The following KHDRBS2 variants were observed in gnomAD, a reference collection of about 807,000 sequenced individuals.
KHDRBS2 encodes the protein KH domain-containing, RNA-binding, signal transduction-associated protein 2.
In KHDRBS2, 26 loss-of-function variants were observed where a neutral mutation model predicts 44.3. The ratio of observed to expected loss-of-function variants is 0.59; its 90% CI spans 0.43 to 0.81. The LOEUF is 0.81. Ranked by LOEUF, KHDRBS2 falls within the 40% of genes least tolerant of loss-of-function variation. The pLI is 0.00. For missense variants in KHDRBS2, 476 were observed against 433.1 expected (o/e 1.10, Z -0.88); for synonymous variants, 194 against 151.1 (o/e 1.28, Z -2.08).
chr6:62,148,372 T>C (rs554873868), intron 2 of KHDRBS2, among the ~76,000 whole-genome samples: 3 of 152,190 alleles, frequency 2.0e-5, no homozygotes, highest in South Asian at 2.1e-4. Flanking sequence ...TGAATAAAGA[T>C]AGTCCTTAAC....
intron 6 of KHDRBS2, among the ~76,000 whole-genome samples, chr6:61,826,073 G>T (rs1281043836): frequency 6.6e-6 from 1 of 152,106 alleles, no homozygotes; most frequent in Non-Finnish European, 1.5e-5. Flanking sequence ...AATAATCAAA[G>T]AAGGAGTTTT....
At chr6:61,551,962 G>A in the KHDRBS2 span, among the ~76,000 whole-genome samples, 142 of 152,232 alleles carry the variant, frequency 9.3e-4, no homozygotes, top group African/African-American at 3.2e-3. Flanking sequence ...CAACTTGGAT[G>A]CTGTTGTTGC....
rs376759102 is a variant in KHDRBS2, at chr6:62,160,589, A to T, written c.219+16596T>A. Among the ~76,000 whole-genome samples the T allele has an allele frequency of 9.2e-5, 14 of 152,226 alleles. No homozygotes were observed. The East Asian group carries it at 2.3e-3, about 25-fold the overall frequency. On this transcript the variant is annotated intron_variant, in intron 2 of 8. Coordinates refer to ENST00000281156, the MANE Select transcript of KHDRBS2 (RefSeq NM_152688.4). The stretch of plus-strand genomic sequence containing the variant: ...CTTTTTGAGGAGTCACATGATCTGT[A>T]TGGCCTATATGTTTAAAGATGACCA...
At chr6:62,080,425 G>GA (rs779129028) in intron 2 of KHDRBS2, among the ~76,000 whole-genome samples, 2 of 151,986 alleles carry the variant, frequency 1.3e-5, no homozygotes, top group Admixed American at 6.6e-5. Context: ...TGACAATTTA[G>GA]AAAAAATGTA....
In KHDRBS2 at chr6:62,007,594, ATAAT is replaced by A. The variant is rs765101948; in HGVS notation, c.337-29386_337-29383del. On this transcript the variant is annotated intron_variant, in intron 3 of 8. Transcript: ENST00000281156. ...TAAAAAAGTAAGTGAAACTAAATGTATAATTAATATTCTGAAGAAAACCATTAAA... is the reference window on the plus strand; with the variant it reads ...TAAAAAAGTAAGTGAAACTAAATGTATAATATTCTGAAGAAAACCATTAAA... Among the ~76,000 whole-genome samples, 28 of 152,292 alleles carry A rather than the reference ATAAT, an allele frequency of 1.8e-4. No individual in the cohort carries two copies. The East Asian group carries it at 4.4e-3, about 24-fold the overall frequency.
Position 62,286,198 on chromosome 6 carries a change from G to A in KHDRBS2, c.-250C>T, listed in dbSNP as rs1031031230. The A allele has an allele frequency of 2.0e-5, 10 of 508,600 alleles. No individual in the cohort carries two copies. Among genetic ancestry groups the A allele is most frequent in the East Asian group, 3.7e-5 (1 of 26,678 alleles). The allele number at this position is 508,600 out of a possible 1,614,324, so 31.5% of individuals were successfully genotyped here. ...CGCAGAGCCCCGGCTCACACCAGCG[G>A]CCTTAACTGGAGAGGCGGGAACAGG... On this transcript the variant is annotated 5_prime_UTR_variant, in exon 1 of 9. Coordinates refer to ENST00000281156, the MANE Select transcript of KHDRBS2 (RefSeq NM_152688.4).
intron 1 of KHDRBS2, among the ~76,000 whole-genome samples, chr6:62,253,024 T>C (rs1365744964): frequency 6.6e-6 from 1 of 152,020 alleles, no homozygotes; most frequent in East Asian, 1.9e-4. Context: ...AGTGTAACAC[T>C]GGGTGGCTTT....
chr6:62,251,162 T>C (rs1442610256), intron 1 of KHDRBS2, among the ~76,000 whole-genome samples: 1 of 151,830 alleles, frequency 6.6e-6, no homozygotes, highest in Non-Finnish European at 1.5e-5. Context: ...ATTGAATATC[T>C]TGAATATTCT....
At chr6:61,564,816 T>C in the KHDRBS2 span, among the ~76,000 whole-genome samples, 1 of 152,012 alleles carries the variant, frequency 6.6e-6, no homozygotes, top group South Asian at 2.1e-4. Context: ...CAAAAAAAGG[T>C]CCCATTCTTA....
chr6:62,110,414 GA>G (rs910105568), intron 2 of KHDRBS2, among the ~76,000 whole-genome samples: 8 of 152,038 alleles, frequency 5.3e-5, no homozygotes, highest in South Asian at 4.1e-4. Flanking sequence ...GCCAAACTTG[GA>G]AAGAAACCAA....
intron 6 of KHDRBS2, among the ~76,000 whole-genome samples, chr6:61,769,680 C>T (rs928840890): frequency 9.8e-5 from 15 of 152,290 alleles, no homozygotes; most frequent in South Asian, 2.1e-4. Flanking sequence ...GTAAACAAAG[C>T]GGCCAGGAAG....
At chr6:61,966,537 C>A (rs1284523443) in intron 4 of KHDRBS2, among the ~76,000 whole-genome samples, 1 of 152,002 alleles carries the variant, frequency 6.6e-6, no homozygotes, top group East Asian at 1.9e-4. Context: ...GAGGTTTCTT[C>A]TCATTTTGAA....
At chr6:62,156,682 C>T (rs1232418732) in intron 2 of KHDRBS2, among the ~76,000 whole-genome samples, 2 of 151,994 alleles carry the variant, frequency 1.3e-5, no homozygotes, top group African/African-American at 4.8e-5. Flanking sequence ...CGGAGTCTCG[C>T]TCTGTCTCTC....
In KHDRBS2 at chr6:62,035,844, A is replaced by C. The variant is rs868642328; in HGVS notation, c.336+12034T>G. Among the ~76,000 whole-genome samples the C allele has an allele frequency of 5.3e-5, 8 of 152,154 alleles. No individual in the cohort carries two copies. The Middle Eastern group carries it at 0.01, about 194-fold the overall frequency. On this transcript the variant is annotated intron_variant, in intron 3 of 8. Transcript: ENST00000281156. ...CAGCGTGGCTCTGGTCATTTTAATA[A>C]AACTAATGGTCAAACAGGGAACATC...
intron 6 of KHDRBS2, among the ~76,000 whole-genome samples, chr6:61,776,112 C>T (rs546887092): frequency 2.0e-5 from 3 of 152,154 alleles, no homozygotes; most frequent in Non-Finnish European, 4.4e-5. Context: ...AACTGGATCC[C>T]TTCCTTACAC....
intron 1 of KHDRBS2, among the ~76,000 whole-genome samples, chr6:62,262,037 TA>T (rs1337577913): frequency 6.6e-6 from 1 of 151,752 alleles, no homozygotes; most frequent in African/African-American, 2.4e-5. Context: ...TCCATTGAGT[TA>T]TTTTTTTGGA....
downstream of KHDRBS2, among the ~76,000 whole-genome samples, chr6:61,675,178 A>G (rs1242746143): frequency 6.6e-6 from 1 of 151,810 alleles, no homozygotes; most frequent in Admixed American, 6.6e-5. Flanking sequence ...AAACTTAAAA[A>G]GTTACATTTT....
chr6:62,274,446 T>C (rs994605667), intron 1 of KHDRBS2, among the ~76,000 whole-genome samples: 4 of 152,126 alleles, frequency 2.6e-5, no homozygotes, highest in Non-Finnish European at 5.9e-5. Flanking sequence ...TTTTACAAGG[T>C]ATGTGTGATA....
chr6:61,855,827 G>C (rs1318172772), intron 6 of KHDRBS2, among the ~76,000 whole-genome samples: 3 of 151,980 alleles, frequency 2.0e-5, no homozygotes, highest in Non-Finnish European at 4.4e-5. Flanking sequence ...TAGGGAGTGA[G>C]AATGAGCTCC....
Sources: allele counts gnomAD v4.1 joint callset (sites outside exome capture counted in the v4.1 genomes callset), GRCh38; gene constraint gnomAD v4.1.1; transcripts MANE v1.5; gene names NCBI Gene and HGNC (gene_info 2026-07-23, HGNC 2026-07-21).